IGSF21: variants seen among roughly 807,000 people sequenced by gnomAD.
IGSF21 encodes immunoglobulin superfamily member 21.
A neutral mutation model predicts 46.8 loss-of-function variants in IGSF21; 28 were observed. That is an observed-to-expected ratio of 0.60 (90% CI 0.44 to 0.82). The LOEUF (loss-of-function observed/expected upper bound fraction) is 0.82. Ranked by LOEUF, IGSF21 falls within the 40% of genes least tolerant of loss-of-function variation. The probability of loss-of-function intolerance (pLI) is 0.00; values close to 1 mark genes in which losing one functional copy is unlikely to be tolerated. For synonymous variants in IGSF21, 284 were observed against 273.6 expected (o/e 1.04, Z -0.38); for missense variants, 624 against 665.5 (o/e 0.94, Z 0.69).
intron 4 of IGSF21, among the ~76,000 whole-genome samples, chr1:18,348,417 G>A (rs888848262): frequency 5.9e-5 from 9 of 152,182 alleles, no homozygotes; most frequent in Non-Finnish European, 8.8e-5. Context: ...CCCAGGCCCC[G>A]CCAGAGCAGG....
intron 3 of IGSF21, among the ~76,000 whole-genome samples, chr1:18,296,938 GTGT>G (rs1483147846): frequency 6.6e-6 from 1 of 152,250 alleles, no homozygotes; most frequent in Non-Finnish European, 1.5e-5. Context: ...GAGGGGCTCA[GTGT>G]ATTCCTGCCC....
At chr1:18,336,095 C>T (rs1010032095) in intron 4 of IGSF21, among the ~76,000 whole-genome samples, 2 of 152,214 alleles carry the variant, frequency 1.3e-5, no homozygotes, top group Admixed American at 1.3e-4. Flanking sequence ...CTTAACCAAT[C>T]ATTTATGCAT....
At chr1:18,310,375 T>C (rs1300887872) in intron 3 of IGSF21, among the ~76,000 whole-genome samples, 1 of 152,208 alleles carries the variant, frequency 6.6e-6, no homozygotes. Flanking sequence ...AAGTCTAATT[T>C]AGACTATTAG....
chr1:18,287,371 G>A (rs2085224903), intron 2 of IGSF21, among the ~76,000 whole-genome samples: 1 of 151,904 alleles, frequency 6.6e-6, no homozygotes, highest in Admixed American at 6.6e-5. Flanking sequence ...ACTCCAGGTT[G>A]GTGACAGAGC....
chr1:18,156,566 C>T (rs1360867452), intron 1 of IGSF21, among the ~76,000 whole-genome samples: 1 of 152,238 alleles, frequency 6.6e-6, no homozygotes, highest in African/African-American at 2.4e-5. Flanking sequence ...GCTGAGCCCC[C>T]AAAAGGATTC....
intron 1 of IGSF21, among the ~76,000 whole-genome samples, chr1:18,197,002 C>T (rs114192866): frequency 1.2e-3 from 184 of 152,280 alleles, no homozygotes; most frequent in African/African-American, 4.2e-3. Flanking sequence ...TTTTTCTAAT[C>T]GGCCCGGCTG....
At chr1:18,315,841 G>A (rs1441817368) in intron 3 of IGSF21, among the ~76,000 whole-genome samples, 2 of 102,874 alleles carry the variant, frequency 1.9e-5, no homozygotes, top group Admixed American at 2.0e-4. Flanking sequence ...ATAGGTAGAT[G>A]GGGGGTGAGT....
At chr1:18,263,857 TAGTCAGTTAAACAA>T (rs145681033) in intron 2 of IGSF21, among the ~76,000 whole-genome samples, 3,765 of 152,298 alleles carry the variant, frequency 0.025, 67 homozygotes, top group Non-Finnish European at 0.033. Flanking sequence ...TTCTCTTCTG[TAGTCAGTTAAACAA>T]AGCCACCCAG....
At chr1:18,291,729 C>G in intron 2 of IGSF21, 137 bp from the exon 3 acceptor site, 1 of 1,048,788 alleles carries the variant, frequency 9.5e-7, no homozygotes, top group Non-Finnish European at 1.4e-6. Context: ...AGGAAGCCCT[C>G]GGTTATTACC....
At chr1:18,369,955 T>C (rs1403418534) in intron 6 of IGSF21, among the ~76,000 whole-genome samples, 1 of 152,156 alleles carries the variant, frequency 6.6e-6, no homozygotes. Context: ...GTCCTTCCCA[T>C]TGATCAAACC....
At position 18,322,999 on chromosome 1, in the gene IGSF21, A is replaced by G. The variant is rs2085619251; in HGVS notation, c.306-11893A>G. Among the ~76,000 whole-genome samples, 1 of 152,200 alleles carries G rather than the reference A, an allele frequency of 6.6e-6. No homozygotes were observed. Among genetic ancestry groups the G allele is most frequent in the African/African-American group, 2.4e-5 (1 of 41,462 alleles). ...CCAAGGTGAACAGCAGTGGCTGGACAGGGCAGGAAAGAGCGGTCGGGACCA... is the reference window on the plus strand; with the variant it reads ...CCAAGGTGAACAGCAGTGGCTGGACGGGGCAGGAAAGAGCGGTCGGGACCA... On this transcript the variant is annotated intron_variant, in intron 3 of 9. Transcript: ENST00000251296. This position sits in a 1 kb window ranked among gnomAD's most constrained non-coding sequence, Gnocchi z 4.3.
intron 1 of IGSF21, among the ~76,000 whole-genome samples, chr1:18,180,855 C>T (rs901262060): frequency 3.3e-5 from 5 of 152,176 alleles, no homozygotes; most frequent in Non-Finnish European, 7.3e-5. Context: ...TTAGATAACT[C>T]GTTTGATATC....
chr1:18,323,183 G>A (rs2085621434), intron 3 of IGSF21, among the ~76,000 whole-genome samples: 1 of 152,172 alleles, frequency 6.6e-6, no homozygotes, highest in South Asian at 2.1e-4. Context: ...ATTGGAAAAA[G>A]GTTCCTACCA....
chr1:18,163,316 G>A (rs1046356027), intron 1 of IGSF21, among the ~76,000 whole-genome samples: 3 of 152,138 alleles, frequency 2.0e-5, no homozygotes, highest in Non-Finnish European at 4.4e-5. Context: ...TGTTAATGTC[G>A]CAGGAGGAGG....
rs764145656 is a variant in IGSF21, at chr1:18,335,148, C to T, written c.424+138C>T. The T allele has an allele frequency of 1.7e-5, 12 of 702,524 alleles. No homozygotes were observed. Among genetic ancestry groups the T allele is most frequent in the East Asian group, 2.7e-5 (1 of 36,654 alleles). 43.5% of individuals were successfully genotyped at this position (702,524 alleles called of 1,614,324 possible). On this transcript the variant is annotated intron_variant, in intron 4 of 9. Coordinates refer to ENST00000251296, the MANE Select transcript of IGSF21 (RefSeq NM_032880.5). This position sits in a 1 kb window ranked among gnomAD's most constrained non-coding sequence, Gnocchi z 4.8. ...TTGTGCTGGTGTCTTCCCTTTCCTGCTCTTGTTGTGGAGGGGCAACCAGAC... is the reference window on the plus strand; with the variant it reads ...TTGTGCTGGTGTCTTCCCTTTCCTGTTCTTGTTGTGGAGGGGCAACCAGAC...
At chr1:18,304,999 A>T (rs2085397725) in intron 3 of IGSF21, among the ~76,000 whole-genome samples, 1 of 152,222 alleles carries the variant, frequency 6.6e-6, no homozygotes, top group African/African-American at 2.4e-5. Flanking sequence ...CAGTTCTGGG[A>T]GAATCTTTGC....
intron 1 of IGSF21, among the ~76,000 whole-genome samples, chr1:18,139,741 G>A (rs2086397885): frequency 6.6e-6 from 1 of 152,148 alleles, no homozygotes; most frequent in African/African-American, 2.4e-5. Context: ...AGCAGATGCT[G>A]TCAGTGCCTG....
chr1:18,253,314 G>A (rs938383544), intron 2 of IGSF21, among the ~76,000 whole-genome samples: 15 of 152,314 alleles, frequency 9.8e-5, no homozygotes, highest in Middle Eastern at 6.8e-3. Context: ...ACTGTTTCCT[G>A]GCACCCTAAT....
intron 2 of IGSF21, among the ~76,000 whole-genome samples, chr1:18,260,942 A>T (rs930157143): frequency 6.6e-5 from 10 of 152,214 alleles, no homozygotes; most frequent in Non-Finnish European, 7.3e-5. Flanking sequence ...GAGGGGAGGT[A>T]TGCAGAGTGA....
Sources: gnomAD v4.1 joint callset for allele counts (sites outside exome capture counted in the v4.1 genomes callset) on GRCh38, gnomAD v4.1.1 for gene constraint, Gnocchi (gnomAD v3.1) non-coding constraint, MANE v1.5 for transcripts, NCBI Gene and HGNC (gene_info 2026-07-23, HGNC 2026-07-21) for gene names.